The following C12orf76 variants were observed in gnomAD, a reference collection of about 807,000 sequenced individuals.
C12orf76 encodes chromosome 12 open reading frame 76.
Under a neutral mutation model 6.8 loss-of-function variants are expected in C12orf76, and 6 were observed. The observed-to-expected ratio is 0.88, with a 90% CI of 0.48 to 1.73. The LOEUF is 1.73. Ranked by LOEUF, C12orf76 falls within the 40% of genes most tolerant of loss-of-function variation. The pLI, the probability that C12orf76 is intolerant of heterozygous loss-of-function variation, is 0.01. For synonymous variants in C12orf76, 56 were observed against 43.7 expected, an observed-to-expected ratio of 1.28 and a Z score of -1.11; for missense variants, 99 against 98.2, an observed-to-expected ratio of 1.01 and a Z score of -0.03.
chr12:110,066,352 A>G (rs1271200225), intron 1 of C12orf76, among the ~76,000 whole-genome samples: 1 of 132,714 alleles, frequency 7.5e-6, no homozygotes, highest in Non-Finnish European at 1.6e-5. Context: ...CTAGGTGACA[A>G]AGCAAGACTC....
intron 2 of C12orf76, chr12:110,059,229 T>C: frequency 6.7e-7 from 1 of 1,484,966 alleles, no homozygotes; most frequent in Admixed American, 2.3e-5. Flanking sequence ...CTTGCGACTT[T>C]ACTGAATTGG....
chr12:110,060,631 C>T (rs1198294223), intron 2 of C12orf76, among the ~76,000 whole-genome samples: 1 of 152,192 alleles, frequency 6.6e-6, no homozygotes, highest in African/African-American at 2.4e-5. Context: ...GTTAGCCCTT[C>T]TCCGGGGTCG....
At chr12:110,063,292 T>C (rs1409738486) in intron 2 of C12orf76, among the ~76,000 whole-genome samples, 1 of 151,952 alleles carries the variant, frequency 6.6e-6, no homozygotes, top group African/African-American at 2.4e-5. Context: ...ATTTATTTTT[T>C]ATTGTTTTGA....
chr12:110,044,908 G>A (rs1407606982), intron 1 of C12orf76, among the ~76,000 whole-genome samples: 1 of 152,076 alleles, frequency 6.6e-6, no homozygotes, highest in African/African-American at 2.4e-5. Flanking sequence ...GGGAGGCGGA[G>A]GTTGCGGTGA....
upstream of C12orf76, among the ~76,000 whole-genome samples, chr12:110,070,916 A>G (rs1168755546): frequency 1.3e-5 from 2 of 152,158 alleles, no homozygotes; most frequent in African/African-American, 4.8e-5. Context: ...CTGGAATTAT[A>G]GACACACACT....
chr12:110,057,991 G>A (rs1186883357), intron 3 of C12orf76, among the ~76,000 whole-genome samples: 2 of 146,594 alleles, frequency 1.4e-5, no homozygotes, highest in African/African-American at 5.1e-5. Flanking sequence ...TTGAACCCAT[G>A]AGGCGGGGAT....
chr12:110,056,481 C>G (rs912972738), intron 4 of C12orf76, among the ~76,000 whole-genome samples: 1 of 151,956 alleles, frequency 6.6e-6, no homozygotes, highest in Non-Finnish European at 1.5e-5. Context: ...TGTGGTGGTG[C>G]ATGCCTATAG....
chr12:110,066,093 T>C (rs546077963), intron 1 of C12orf76: 27 of 1,443,364 alleles, frequency 1.9e-5, no homozygotes, highest in Non-Finnish European at 2.4e-5. Flanking sequence ...TCCCCGAAGA[T>C]GGTCAGGGGC....
At chr12:110,052,434 C>T (rs368238883), upstream of C12orf76, among the ~76,000 whole-genome samples, 21 of 151,998 alleles carry the variant, frequency 1.4e-4, no homozygotes, top group African/African-American at 5.1e-4. Flanking sequence ...TGGCCTCAAG[C>T]GATTCTCCAC....
chr12:110,049,254 C>G (rs1274174457), upstream of C12orf76: 1 of 152,266 alleles, frequency 6.6e-6, no homozygotes, highest in East Asian at 1.9e-4. Context: ...GGCAGCCCGG[C>G]GCCAGGCCCG....
chr12:110,065,817 C>A (rs370170608), intron 2 of C12orf76: 38 of 1,614,050 alleles, frequency 2.4e-5, no homozygotes, highest in Non-Finnish European at 3.2e-5. Flanking sequence ...TCCAACTCTT[C>A]CCCTGTCCTG....
At chr12:110,057,123 C>T (rs1892682977) in intron 4 of C12orf76, 2 of 1,112,474 alleles carry the variant, frequency 1.8e-6, no homozygotes, top group African/African-American at 1.5e-5. Context: ...AAGGTGTCCA[C>T]CATAAAGTTG....
Position 110,042,471 on chromosome 12 carries a change from A to T in C12orf76, c.134-12T>A. 1 of 1,579,540 alleles carries T rather than the reference A, an allele frequency of 6.3e-7. No individual in the cohort carries two copies. The highest frequency in any genetic ancestry group is 8.7e-7 in the Non-Finnish European group (1 of 1,148,552). ...GGTTCCCATCAACACTGCAAAGGGA[A>T]AACAGGTTACTTCCTAATGGCAGCT... On this transcript the variant is annotated splice_polypyrimidine_tract_variant and intron_variant, in intron 1 of 1. Coordinates refer to ENST00000615315, the MANE Select transcript of C12orf76 (RefSeq NM_001389625.1).
chr12:110,050,932 G>A (rs1411680571), upstream of C12orf76: 1 of 687,902 alleles, frequency 1.5e-6, no homozygotes, highest in Non-Finnish European at 2.7e-6. Flanking sequence ...CTATAGTGCA[G>A]AAACCTGACC....
chr12:110,046,223 C>T (rs1050573047), intron 1 of C12orf76, among the ~76,000 whole-genome samples: 4 of 152,116 alleles, frequency 2.6e-5, no homozygotes, highest in Middle Eastern at 3.4e-3. Flanking sequence ...GTCAAGAGAT[C>T]GAGACCATCC....
chr12:110,050,448 G>A (rs1892555815), upstream of C12orf76: 1 of 154,514 alleles, frequency 6.5e-6, no homozygotes, highest in South Asian at 2.0e-4. Flanking sequence ...GGCATTCTAA[G>A]TCACAGGATG....
chr12:110,043,195 A>G (rs1892361044), intron 1 of C12orf76, among the ~76,000 whole-genome samples: 2 of 152,178 alleles, frequency 1.3e-5, no homozygotes, highest in African/African-American at 2.4e-5. Context: ...CTCAGTGAAC[A>G]GAAGGGAGGC....
intron 1 of C12orf76, chr12:110,042,747 T>A: frequency 1.6e-6 from 1 of 615,490 alleles, no homozygotes; most frequent in Non-Finnish European, 2.9e-6. Flanking sequence ...TCAGGAAGCA[T>A]CCGAGGAGGA....
chr12:110,055,772 G>A (rs1173889638), intron 4 of C12orf76, among the ~76,000 whole-genome samples: 1 of 152,172 alleles, frequency 6.6e-6, no homozygotes, highest in African/African-American at 2.4e-5. Context: ...AAATCATAGG[G>A]AGTCGAAGCT....
Sources: allele counts gnomAD v4.1 joint callset (sites outside exome capture counted in the v4.1 genomes callset), GRCh38; gene constraint gnomAD v4.1.1; transcripts MANE v1.5; gene names NCBI Gene and HGNC (gene_info 2026-07-23, HGNC 2026-07-21).